Variants in SNTG2 observed in about 807,000 individuals in gnomAD.
The protein encoded by SNTG2 is gamma-2-syntrophin.
In SNTG2, 74 loss-of-function variants were observed where a neutral mutation model predicts 70.9. That is an observed-to-expected ratio of 1.04 (90% confidence interval 0.86 to 1.27). The LOEUF is 1.27. Among genes scored for constraint, SNTG2 ranks in the 50% most tolerant of loss-of-function variants. The pLI, the probability that SNTG2 is intolerant of heterozygous loss-of-function variation, is 0.00. For synonymous variants in SNTG2, 278 were observed against 273.8 expected (o/e 1.02, Z -0.15); for missense variants, 717 against 690.7 (o/e 1.04, Z -0.43).
At chr2:1,158,372 A>G (rs1670041435) in intron 6 of SNTG2, 1 of 152,230 alleles carries the variant, frequency 6.6e-6, no homozygotes, top group Non-Finnish European at 1.5e-5. Flanking sequence ...AAGAGGATGA[A>G]TTAGTGGGAT....
chr2:1,246,187 A>G (rs923485289), intron 11 of SNTG2, among the ~76,000 whole-genome samples: 19 of 152,330 alleles, frequency 1.2e-4, no homozygotes, highest in Non-Finnish European at 2.6e-4. Flanking sequence ...CGTATTCAAC[A>G]CTGAAAACCA....
intron 6 of SNTG2, among the ~76,000 whole-genome samples, chr2:1,152,993 G>A (rs1669618304): frequency 2.0e-5 from 3 of 152,028 alleles, no homozygotes; most frequent in South Asian, 2.1e-4. Context: ...GTGTGGTGGC[G>A]GGCGCCTGTG....
intron 6 of SNTG2, among the ~76,000 whole-genome samples, chr2:1,142,922 T>C (rs574016705): frequency 1.6e-4 from 24 of 152,324 alleles, no homozygotes; most frequent in Admixed American, 1.4e-3. Context: ...GGGATAGCTT[T>C]TCTGAAATTA....
chr2:1,098,094 A>G, intron 2 of SNTG2, 102 bp from the exon 3 acceptor site: 1 of 1,297,058 alleles, frequency 7.7e-7, no homozygotes, highest in African/African-American at 1.5e-5. Context: ...TGGAAATATA[A>G]TTTAACACGT....
chr2:1,237,754 C>T (rs1676762375), intron 9 of SNTG2, 134 bp from the exon 10 acceptor site: 1 of 1,141,906 alleles, frequency 8.8e-7, no homozygotes. Context: ...TACTGAGGCG[C>T]CTGAGGAAGT....
At chr2:1,286,882 C>A (rs192546639) in intron 14 of SNTG2, among the ~76,000 whole-genome samples, 1 of 152,330 alleles carries the variant, frequency 6.6e-6, no homozygotes, top group East Asian at 1.9e-4. Flanking sequence ...GAAGAACATT[C>A]GTCAACAGGT....
At chr2:1,110,463 C>T (rs80244487) in intron 4 of SNTG2, among the ~76,000 whole-genome samples, 18,609 of 152,180 alleles carry the variant, frequency 0.12, 1,304 homozygotes, top group Admixed American at 0.16. Flanking sequence ...AAGCCTTTCT[C>T]CCCTAATACC....
chr2:1,212,511 A>G (rs759081760), intron 9 of SNTG2, among the ~76,000 whole-genome samples: 1 of 152,254 alleles, frequency 6.6e-6, no homozygotes, highest in Admixed American at 6.5e-5. Flanking sequence ...TGAAAGGTTT[A>G]TAATTTTTCA....
intron 14 of SNTG2, among the ~76,000 whole-genome samples, chr2:1,303,991 T>C (rs1680570602): frequency 6.6e-6 from 1 of 152,238 alleles, no homozygotes; most frequent in Non-Finnish European, 1.5e-5. Context: ...AATGTTTAGT[T>C]CAGATGATTT....
intron 14 of SNTG2, among the ~76,000 whole-genome samples, chr2:1,275,504 G>C (rs2148197172): frequency 6.6e-6 from 1 of 152,252 alleles, no homozygotes; most frequent in South Asian, 2.1e-4. Context: ...TGTTGTAATT[G>C]GTTTCAGGCA....
At chr2:1,299,478 C>T (rs766492575) in intron 14 of SNTG2, among the ~76,000 whole-genome samples, 8 of 152,152 alleles carry the variant, frequency 5.3e-5, no homozygotes, top group Non-Finnish European at 1.0e-4. Context: ...CCATCCCTGT[C>T]TCCACACCTG....
chr2:1,258,620 A>AT (rs1432066952), intron 12 of SNTG2, among the ~76,000 whole-genome samples: 1 of 152,190 alleles, frequency 6.6e-6, no homozygotes, highest in Non-Finnish European at 1.5e-5. Flanking sequence ...ACTTTGGATT[A>AT]TTTTTACTGG....
chr2:1,178,537 C>A (rs1671636676), intron 8 of SNTG2, among the ~76,000 whole-genome samples: 2 of 152,164 alleles, frequency 1.3e-5, no homozygotes, highest in Admixed American at 6.5e-5. Context: ...TGTCAAAGGC[C>A]TTTTCTGCAT....
intron 4 of SNTG2, 109 bp from the exon 5 acceptor site, chr2:1,137,513 C>CACAT (rs1668471028): frequency 1.8e-6 from 2 of 1,136,514 alleles, no homozygotes; most frequent in Non-Finnish European, 2.6e-6. Flanking sequence ...CACACACACA[C>CACAT]ACACGTGGCC....
intron 14 of SNTG2, among the ~76,000 whole-genome samples, chr2:1,281,135 T>G (rs1186426708): frequency 2.0e-5 from 3 of 151,658 alleles, no homozygotes; most frequent in African/African-American, 7.3e-5. Context: ...AAACCAACAC[T>G]CACTCTCCCG....
At chr2:1,105,337 A>G (rs1011829835) in intron 4 of SNTG2, among the ~76,000 whole-genome samples, 29 of 152,266 alleles carry the variant, frequency 1.9e-4, no homozygotes, top group African/African-American at 6.7e-4. Flanking sequence ...AGGGCTTACA[A>G]CTTAGATAAG....
chr2:1,025,331 C>T (rs1056330456), intron 1 of SNTG2, among the ~76,000 whole-genome samples: 2 of 152,146 alleles, frequency 1.3e-5, no homozygotes, highest in African/African-American at 4.8e-5. Context: ...CCAGGCAGGG[C>T]AGCCACACAG....
At chr2:1,012,103 T>A (rs1659744483) in intron 1 of SNTG2, among the ~76,000 whole-genome samples, 1 of 152,224 alleles carries the variant, frequency 6.6e-6, no homozygotes, top group Non-Finnish European at 1.5e-5. Context: ...TTCATTGCTA[T>A]TGAGATAATA....
intron 1 of SNTG2, among the ~76,000 whole-genome samples, chr2:973,328 T>C (rs796387694): frequency 5.9e-5 from 9 of 152,256 alleles, no homozygotes; most frequent in African/African-American, 2.2e-4. Context: ...TTTTGCTGAG[T>C]ATGGATTTCT....
Sources: gnomAD v4.1 joint callset for allele counts (sites outside exome capture counted in the v4.1 genomes callset) on GRCh38, gnomAD v4.1.1 for gene constraint, MANE v1.5 for transcripts, NCBI Gene and HGNC (gene_info 2026-07-23, HGNC 2026-07-21) for gene names.